Variants in FBXO21 observed in about 807,000 individuals in gnomAD.
FBXO21 encodes the protein F-box only protein 21.
In FBXO21, 32 loss-of-function variants were observed where a neutral mutation model predicts 76.6. That is an observed-to-expected ratio of 0.42 (90% CI 0.32 to 0.56). The LOEUF (loss-of-function observed/expected upper bound fraction) is 0.56, where lower values mean the gene tolerates loss of function less well. Among genes scored for constraint, FBXO21 ranks in the 20% least tolerant of loss-of-function variants. The probability of loss-of-function intolerance (pLI) is 0.16; values close to 1 mark genes in which losing one functional copy is unlikely to be tolerated. For missense variants in FBXO21, 586 were observed against 797.3 expected, an observed-to-expected ratio of 0.73 and a Z score of 3.19; for synonymous variants, 328 against 311.5, an observed-to-expected ratio of 1.05 and a Z score of -0.56.
chr12:117,183,255 C>CT (rs34160051), intron 3 of FBXO21, among the ~76,000 whole-genome samples: 32,832 of 147,192 alleles, frequency 0.22, 3,773 homozygotes, highest in East Asian at 0.43. Flanking sequence ...CTGTTTAACA[C>CT]TTTTTTTTTT....
intron 11 of FBXO21, among the ~76,000 whole-genome samples, chr12:117,149,347 G>A (rs1955813715): frequency 1.3e-5 from 2 of 152,174 alleles, no homozygotes; most frequent in African/African-American, 2.4e-5. Context: ...AGAGGGTAAA[G>A]AAGCTGGGAA....
rs935705310 is a variant in FBXO21 at position 117,185,903 on chromosome 12, G to C, written c.470+574C>G. Reference sequence around the variant, plus strand: ...TCTTTTTTTTATGAGACGAAGTCTTGCTCTTGTCCCCCAGTCTGGAGTGCA... The same window carrying C: ...TCTTTTTTTTATGAGACGAAGTCTTCCTCTTGTCCCCCAGTCTGGAGTGCA... On this transcript the variant is annotated intron_variant, in intron 3 of 11. Coordinates refer to ENST00000622495, the MANE Select transcript of FBXO21 (RefSeq NM_015002.3). 2.0e-5 allele frequency among the ~76,000 whole-genome samples: 3 copies of C among 152,072 alleles called. No individual in the cohort carries two copies. In the South Asian group the frequency reaches 6.2e-4, roughly 31 times the overall value.
chr12:117,158,086 TA>T, intron 9 of FBXO21, 23 bp from the exon 10 acceptor site: 1 of 1,613,266 alleles, frequency 6.2e-7, no homozygotes, highest in Non-Finnish European at 8.5e-7. Context: ...ACAGAAAGAC[TA>T]AAAGATAATA....
Position 117,143,362 on chromosome 12 carries a change from C to T in FBXO21, c.*2725G>A, listed in dbSNP as rs1955735349. 2.0e-5 allele frequency: 3 copies of T among 152,326 alleles called. 1 individual carries two copies. In the East Asian group the frequency reaches 5.8e-4, roughly 29 times the overall value. The allele number at this position is 152,326 out of a possible 1,614,324, so 9.4% of individuals were successfully genotyped here. A position where few individuals can be genotyped will look rare whatever the true frequency, so the allele number is the denominator to read the frequency against. ...TCAATTGACTTTGTTTAACCTATAA[C>T]CTTTTTTCCTCCCACATAGTAGGTA... On this transcript the variant is annotated 3_prime_UTR_variant, in exon 12 of 12. Transcript: ENST00000622495.
intron 2 of FBXO21, among the ~76,000 whole-genome samples, chr12:117,187,366 G>A (rs1175216974): frequency 7.1e-6 from 1 of 139,944 alleles, no homozygotes; most frequent in Non-Finnish European, 1.5e-5. Flanking sequence ...GTTGCGGTAA[G>A]CTGAGATCAC....
chr12:117,172,178 T>C (rs1956124344), intron 7 of FBXO21, among the ~76,000 whole-genome samples: 1 of 152,234 alleles, frequency 6.6e-6, no homozygotes, highest in African/African-American at 2.4e-5. Flanking sequence ...TTTTTAAAAT[T>C]AAACTTTTTG....
chr12:117,172,366 T>C, intron 7 of FBXO21, 105 bp downstream of exon 7: 1 of 1,307,346 alleles, frequency 7.6e-7, no homozygotes, highest in East Asian at 2.3e-5. Flanking sequence ...AGTCCTATTT[T>C]TAACCTGTGT....
intron 9 of FBXO21, among the ~76,000 whole-genome samples, chr12:117,161,755 G>C (rs955221124): frequency 4.6e-5 from 7 of 152,118 alleles, no homozygotes; most frequent in African/African-American, 1.4e-4. Context: ...AAGAAGAGGG[G>C]AACTGTCCTA....
At position 117,145,246 on chromosome 12, in the gene FBXO21, G is replaced by A. The variant is rs1044768866; in HGVS notation, c.*841C>T. 3 of 151,938 alleles carry A rather than the reference G, an allele frequency of 2.0e-5. No individual in the cohort carries two copies. Among genetic ancestry groups the A allele is most frequent in the African/African-American group, 7.2e-5 (3 of 41,388 alleles). 9.4% of individuals were successfully genotyped at this position (151,938 alleles called of 1,614,324 possible). A position where few individuals can be genotyped will look rare whatever the true frequency, so the allele number is the denominator to read the frequency against. ...TGATGTAAGACCTACTCATGATACT[G>A]AAGTAGATTTTTTAAATTAAAAAAT... On this transcript the variant is annotated 3_prime_UTR_variant, in exon 12 of 12. Transcript: ENST00000622495.
At chr12:117,161,389 C>T (rs1401472015) in intron 9 of FBXO21, among the ~76,000 whole-genome samples, 12 of 152,042 alleles carry the variant, frequency 7.9e-5, no homozygotes, top group African/African-American at 2.9e-4. Context: ...GCCAGACCGC[C>T]GAGAACCTAA....
chr12:117,151,028 G>C (rs1356266583), intron 11 of FBXO21, among the ~76,000 whole-genome samples: 3 of 150,618 alleles, frequency 2.0e-5, no homozygotes, highest in Non-Finnish European at 4.4e-5. Flanking sequence ...TGTATGGGTG[G>C]AAAGTTGAGT....
chr12:117,155,867 G>A lies in FBXO21; in HGVS notation c.1599C>T (p.His533=), dbSNP rs750162657. 12 of 1,614,100 alleles carry A rather than the reference G, an allele frequency of 7.4e-6. No individual in the cohort carries two copies. Among genetic ancestry groups the A allele is most frequent in the Middle Eastern group, 1.6e-4 (1 of 6,084 alleles). The part of the protein sequence containing the change: ...GHEWIRNMNV[H]SLPHGHHQPF... ...GCTGGTGGTGGCCGTGCGGCAGGCTGTGGACGTTCATGTTCCGGATCCACT... is the reference window on the plus strand; with the variant it reads ...GCTGGTGGTGGCCGTGCGGCAGGCTATGGACGTTCATGTTCCGGATCCACT... The change falls in exon 11 of 12, where the codon CAC becomes CAT. Residue 533 remains histidine, a synonymous_variant. Coordinates refer to ENST00000622495, the MANE Select transcript of FBXO21 (RefSeq NM_015002.3).
intron 11 of FBXO21, among the ~76,000 whole-genome samples, chr12:117,151,819 GA>G (rs1425729728): frequency 1.3e-5 from 2 of 152,140 alleles, no homozygotes; most frequent in Non-Finnish European, 2.9e-5. Context: ...AACAGTGGTG[GA>G]AAAATCACCA....
rs1956232359 is a variant in FBXO21 at position 117,181,598 on chromosome 12, AGTCT to A, written c.471-3961_471-3958del. 3.4e-4 allele frequency among the ~76,000 whole-genome samples: 9 copies of A among 26,788 alleles called. 2 individuals are homozygous for A. In the South Asian group the frequency reaches 0.011, roughly 33 times the overall value. 17.6% of individuals were successfully genotyped at this position (26,788 alleles called of 152,430 possible). A position where few individuals can be genotyped will look rare whatever the true frequency, so the allele number is the denominator to read the frequency against. On this transcript the variant is annotated intron_variant, in intron 3 of 11. Coordinates refer to ENST00000622495, the MANE Select transcript of FBXO21 (RefSeq NM_015002.3). The stretch of plus-strand genomic sequence containing the variant: ...ATCGATCGATCTATCTATCTGAGAC[AGTCT>A]ATCTATCTATCTATCTATCTATCTA...
intron 9 of FBXO21, among the ~76,000 whole-genome samples, chr12:117,161,342 G>A (rs902837784): frequency 1.3e-5 from 2 of 152,000 alleles, no homozygotes; most frequent in African/African-American, 4.8e-5. Context: ...GAGGACCAAG[G>A]AACTCCACGG....
At chr12:117,182,037 A>AGGTTTT (rs1458452043) in intron 3 of FBXO21, among the ~76,000 whole-genome samples, 4 of 152,164 alleles carry the variant, frequency 2.6e-5, no homozygotes, top group South Asian at 4.1e-4. Context: ...CATAAACACA[A>AGGTTTT]ACTGATTTCA....
chr12:117,149,994 T>C (rs926094760), intron 11 of FBXO21, among the ~76,000 whole-genome samples: 3 of 152,196 alleles, frequency 2.0e-5, no homozygotes, highest in Admixed American at 6.5e-5. Flanking sequence ...CCAGCCCCAC[T>C]CCTGGCTGTT....
chr12:117,151,459 G>A (rs1056393019), intron 11 of FBXO21, among the ~76,000 whole-genome samples: 1 of 152,174 alleles, frequency 6.6e-6, no homozygotes, highest in Admixed American at 6.5e-5. Context: ...TCCGTGCAGA[G>A]CTAGTAATTA....
At chr12:117,174,842 TTTC>T in intron 4 of FBXO21, 45 bp from the exon 5 acceptor site, 1 of 1,594,488 alleles carries the variant, frequency 6.3e-7, no homozygotes, top group Non-Finnish European at 8.6e-7. Context: ...ACGTTACCCT[TTTC>T]TTATTAGTTT....
Sources: allele counts gnomAD v4.1 joint callset (sites outside exome capture counted in the v4.1 genomes callset), GRCh38; gene constraint gnomAD v4.1.1; transcripts MANE v1.5; gene names NCBI Gene and HGNC (gene_info 2026-07-23, HGNC 2026-07-21).